Variants in ZIM2 observed in about 807,000 individuals in gnomAD.
ZIM2 encodes the protein zinc finger protein 656.
A neutral mutation model predicts 38.6 loss-of-function variants in ZIM2; 14 were observed. The observed-to-expected ratio is 0.36, with a 90% CI of 0.24 to 0.57. The LOEUF (loss-of-function observed/expected upper bound fraction) is 0.57. Among genes scored for constraint, ZIM2 ranks in the 20% least tolerant of loss-of-function variants. The pLI is 0.81. For missense variants in ZIM2, 680 were observed against 695.1 expected, an observed-to-expected ratio of 0.98 and a Z score of 0.24; for synonymous variants, 247 against 245.8, an observed-to-expected ratio of 1.00 and a Z score of -0.04.
At chr19:56,818,060 A>G (rs1350208314) in intron 8 of ZIM2, among the ~76,000 whole-genome samples, 1 of 152,200 alleles carries the variant, frequency 6.6e-6, no homozygotes, top group Non-Finnish European at 1.5e-5. Context: ...AATGTGTACA[A>G]AGACCCCACA....
At chr19:56,800,300 T>C (rs1171460933) in intron 9 of ZIM2, among the ~76,000 whole-genome samples, 1 of 152,218 alleles carries the variant, frequency 6.6e-6, no homozygotes, top group Non-Finnish European at 1.5e-5. Context: ...CTTATAATTA[T>C]CTTGAATAAT....
chr19:56,817,132 G>C (rs777113236), intron 9 of ZIM2: 1 of 1,613,988 alleles, frequency 6.2e-7, no homozygotes, highest in African/African-American at 1.3e-5. Context: ...GGTAAAGGAG[G>C]GGGAGCTGAG....
At chr19:56,815,319 A>G in intron 9 of ZIM2, 1 of 1,614,220 alleles carries the variant, frequency 6.2e-7, no homozygotes, top group Non-Finnish European at 8.5e-7. Flanking sequence ...CTTCGCTGGT[A>G]GCAAAAAATT....
At chr19:56,783,735 T>C (rs1013624228) in intron 10 of ZIM2, among the ~76,000 whole-genome samples, 1 of 152,194 alleles carries the variant, frequency 6.6e-6, no homozygotes, top group African/African-American at 2.4e-5. Flanking sequence ...CTATGCTTAC[T>C]ATCTGAGGTG....
At position 56,775,329 on chromosome 19, in the gene ZIM2, A is replaced by T; in HGVS notation, c.1036T>A (p.Cys346Ser). 6.2e-7 allele frequency: 1 copy of T among 1,614,198 alleles called. No homozygotes were observed. The highest frequency in any genetic ancestry group is 8.5e-7 in the Non-Finnish European group (1 of 1,180,040). Residue 346 changes from cysteine to serine, a missense_variant, in exon 13 of 13, where the codon TGT becomes AGT. Transcript: ENST00000629319. The part of the protein sequence containing the change: ...DPQEGTAPGI[C>S]TSPQSASQEN... ...TGGGATGCTGACTGGGGACTCGTAC[A>T]TATTCCAGGAGCAGTGCCTTCCTGG...
intron 2 of ZIM2, among the ~76,000 whole-genome samples, chr19:56,834,674 A>G (rs1256099173): frequency 6.6e-6 from 1 of 152,206 alleles, no homozygotes; most frequent in Non-Finnish European, 1.5e-5. Context: ...AAGTCTCCAC[A>G]GGGTTAAGCA....
At chr19:56,826,363 A>G (rs2061034569) in intron 3 of ZIM2, 25 bp downstream of exon 3, 1 of 152,222 alleles carries the variant, frequency 6.6e-6, no homozygotes, top group South Asian at 2.1e-4. Flanking sequence ...CTCAGGCAAC[A>G]AGATACCCTC....
chr19:56,810,963 A>G, intron 9 of ZIM2: 1 of 971,348 alleles, frequency 1.0e-6, no homozygotes, highest in South Asian at 4.8e-5. Context: ...AAAGTATTTA[A>G]CCATAATTCC....
intron 3 of ZIM2, chr19:56,824,880 G>A: frequency 1.9e-6 from 1 of 526,198 alleles, no homozygotes; most frequent in Non-Finnish European, 3.4e-6. Flanking sequence ...GCACAAAGTT[G>A]GCCTCAGCAC....
At chr19:56,817,215 G>A (rs746725182) in intron 9 of ZIM2, 1 of 1,614,032 alleles carries the variant, frequency 6.2e-7, no homozygotes, top group African/African-American at 1.3e-5. Flanking sequence ...TCCTGGGACA[G>A]CCTTTTTGAT....
intron 1 of ZIM2, among the ~76,000 whole-genome samples, chr19:56,838,451 C>A (rs1025008570): frequency 1.4e-4 from 21 of 152,178 alleles, no homozygotes; most frequent in Non-Finnish European, 8.8e-5. Context: ...GAGGAACGGT[C>A]CCGGGCCCCA....
chr19:56,815,735 T>C, intron 9 of ZIM2: 1 of 1,614,244 alleles, frequency 6.2e-7, no homozygotes, highest in Non-Finnish European at 8.5e-7. Context: ...TTCTGAGGTT[T>C]GGCACGGAAT....
chr19:56,775,052 CTG>C lies in ZIM2; in HGVS notation c.1311_1312del (p.His437GlnfsTer7), dbSNP rs1388254752. ...AAAACATTCAAAGTAGTCCTCCTGA[CTG>C]TGAATTCTTACACGTTCACAGAGAT... is the stretch of plus-strand genomic sequence containing the variant. On this transcript the variant is annotated frameshift_variant, in exon 13 of 13. Coordinates refer to ENST00000629319, the MANE Select transcript of ZIM2 (RefSeq NM_001387356.1). LOFTEE classifies it low-confidence loss of function (END_TRUNC). The C allele has an allele frequency of 2.5e-6, 4 of 1,614,154 alleles. No individual in the cohort carries two copies. The highest frequency in any genetic ancestry group is 2.2e-5 in the East Asian group (1 of 44,864).
intron 9 of ZIM2, chr19:56,811,877 T>G: frequency 1.0e-6 from 1 of 985,508 alleles, no homozygotes; most frequent in Non-Finnish European, 1.2e-6. Context: ...TTCTTCTGTC[T>G]GTCTCCTCTC....
intron 10 of ZIM2, among the ~76,000 whole-genome samples, chr19:56,782,638 T>C (rs1044740120): frequency 6.6e-6 from 1 of 152,214 alleles, no homozygotes; most frequent in Admixed American, 6.5e-5. Context: ...CCAACTATTA[T>C]ATAAAACATG....
chr19:56,837,208 G>A (rs972513668), intron 1 of ZIM2, among the ~76,000 whole-genome samples: 4 of 151,998 alleles, frequency 2.6e-5, no homozygotes, highest in African/African-American at 7.3e-5. Context: ...CTCTGCTCAT[G>A]AACAGTTTCT....
intron 9 of ZIM2, chr19:56,817,457 C>T (rs142489254): frequency 6.2e-7 from 1 of 1,613,914 alleles, no homozygotes; most frequent in African/African-American, 1.3e-5. Flanking sequence ...CTTGCTCTTC[C>T]CGATTTGGAA....
chr19:56,816,506 G>C, intron 9 of ZIM2: 1 of 1,613,042 alleles, frequency 6.2e-7, no homozygotes, highest in South Asian at 1.1e-5. Context: ...TGGATTTTCT[G>C]ATGTTCTTTC....
intron 1 of ZIM2, among the ~76,000 whole-genome samples, chr19:56,838,549 G>A (rs2062489241): frequency 6.6e-6 from 1 of 152,160 alleles, no homozygotes; most frequent in African/African-American, 2.4e-5. Flanking sequence ...GGAACCACAC[G>A]CATCCTGTGG....
Sources: allele counts gnomAD v4.1 joint callset (sites outside exome capture counted in the v4.1 genomes callset), GRCh38; gene constraint gnomAD v4.1.1; transcripts MANE v1.5; gene names NCBI Gene and HGNC (gene_info 2026-07-23, HGNC 2026-07-21).